Variants in EXOC4 observed in about 807,000 individuals in gnomAD.
EXOC4 encodes exocyst complex component 4, also known as SEC8-like 1.
In EXOC4, 71 loss-of-function variants were observed where a neutral mutation model predicts 107.2. The observed-to-expected ratio is 0.66, with a 90% CI of 0.55 to 0.81. The LOEUF is 0.81. Among genes scored for constraint, EXOC4 ranks in the 30% least tolerant of loss-of-function variants. The pLI, the probability that EXOC4 is intolerant of heterozygous loss-of-function variation, is 0.00. For missense variants in EXOC4, 1,108 were observed against 1,189.6 expected (o/e 0.93, Z 1.01); for synonymous variants, 456 against 441.2 (o/e 1.03, Z -0.42).
At chr7:133,655,078 CTTT>C (rs750971197) in intron 10 of EXOC4, among the ~76,000 whole-genome samples, 1 of 152,050 alleles carries the variant, frequency 6.6e-6, no homozygotes, top group Non-Finnish European at 1.5e-5. Flanking sequence ...AGTATTGTAA[CTTT>C]GTAAACACTG....
At chr7:133,317,036 A>G (rs766014819) in intron 4 of EXOC4, among the ~76,000 whole-genome samples, 2 of 152,204 alleles carry the variant, frequency 1.3e-5, no homozygotes, top group Non-Finnish European at 2.9e-5. Context: ...ACAGCATTGA[A>G]TGAAATGACA....
chr7:133,378,465 TAAAAG>T (rs1796541042), intron 7 of EXOC4, among the ~76,000 whole-genome samples: 1 of 152,014 alleles, frequency 6.6e-6, no homozygotes, highest in Admixed American at 6.6e-5. Context: ...TTATTTTTAT[TAAAAG>T]AATTTTTAAA....
At chr7:133,448,474 AATTT>A (rs1378087063) in intron 7 of EXOC4, among the ~76,000 whole-genome samples, 4 of 151,882 alleles carry the variant, frequency 2.6e-5, no homozygotes, top group Admixed American at 2.6e-4. Flanking sequence ...ATTTTTAATT[AATTT>A]ATTTATTTTT....
intron 10 of EXOC4, among the ~76,000 whole-genome samples, chr7:133,742,073 C>A (rs919558906): frequency 3.9e-5 from 6 of 152,204 alleles, no homozygotes; most frequent in African/African-American, 9.6e-5. Context: ...TAAACTACTT[C>A]TGCGGCTGCT....
At chr7:134,057,638 G>A (rs1218294953) in intron 17 of EXOC4, among the ~76,000 whole-genome samples, 4 of 151,914 alleles carry the variant, frequency 2.6e-5, no homozygotes, top group Middle Eastern at 3.2e-3. Flanking sequence ...ATTATTGGTC[G>A]GAAAGTCCAT....
intron 9 of EXOC4, among the ~76,000 whole-genome samples, chr7:133,604,710 C>CTTT (rs61548710): frequency 0.014 from 706 of 50,298 alleles, 12 homozygotes; most frequent in Non-Finnish European, 0.016. Context: ...TTCCTTCTTT[C>CTTT]TTTTTTTTTT....
chr7:133,472,676 T>A (rs1292090280), intron 7 of EXOC4, among the ~76,000 whole-genome samples: 1 of 152,038 alleles, frequency 6.6e-6, no homozygotes, highest in Non-Finnish European at 1.5e-5. Flanking sequence ...CTTTTTAAAG[T>A]TTGGGACTCA....
chr7:133,476,448 A>G (rs764077383), intron 8 of EXOC4, among the ~76,000 whole-genome samples: 1 of 152,202 alleles, frequency 6.6e-6, no homozygotes, highest in Non-Finnish European at 1.5e-5. Context: ...ATGTAAAGTG[A>G]CCACCACTGA....
At chr7:133,944,861 T>G (rs1042671844) in intron 14 of EXOC4, among the ~76,000 whole-genome samples, 33 of 152,160 alleles carry the variant, frequency 2.2e-4, no homozygotes, top group African/African-American at 7.7e-4. Context: ...TAAACATCCC[T>G]TAATAAATGT....
At chr7:133,430,621 T>C (rs1368846823) in intron 7 of EXOC4, among the ~76,000 whole-genome samples, 2 of 152,248 alleles carry the variant, frequency 1.3e-5, no homozygotes, top group Non-Finnish European at 1.5e-5. Context: ...ACAATTTTAC[T>C]ATACCTAGGA....
chr7:133,271,698 T>C lies in EXOC4; in HGVS notation c.87-3284T>C, dbSNP rs200423534. On this transcript the variant is annotated intron_variant, in intron 1 of 17. Transcript: ENST00000253861. ...CCCATCTGCCTAACCCTTGTGGGAC[T>C]TGGGGGCAAGGGGAACTGATGTGAA... Among the ~76,000 whole-genome samples, 13 of 152,252 alleles carry C rather than the reference T, an allele frequency of 8.5e-5. No homozygotes were observed. The East Asian group carries it at 2.5e-3, about 29-fold the overall frequency.
intron 17 of EXOC4, among the ~76,000 whole-genome samples, chr7:134,042,734 A>G (rs1795548951): frequency 6.6e-6 from 1 of 152,188 alleles, no homozygotes; most frequent in African/African-American, 2.4e-5. Context: ...GAAAATGGAA[A>G]TAATATCAGT....
chr7:133,621,883 A>C (rs929892131), intron 9 of EXOC4, among the ~76,000 whole-genome samples: 4 of 152,170 alleles, frequency 2.6e-5, no homozygotes, highest in Admixed American at 6.5e-5. Context: ...GTCTTGGATG[A>C]TTAGAAATGT....
At chr7:134,012,802 T>C (rs1794802896) in intron 17 of EXOC4, among the ~76,000 whole-genome samples, 1 of 152,160 alleles carries the variant, frequency 6.6e-6, no homozygotes, top group African/African-American at 2.4e-5. Context: ...GCTGGAGTGC[T>C]AGCGAAGAAC....
chr7:133,687,210 A>G (rs944257418), intron 10 of EXOC4, among the ~76,000 whole-genome samples: 1 of 152,100 alleles, frequency 6.6e-6, no homozygotes, highest in Non-Finnish European at 1.5e-5. Context: ...AGCTATGAGG[A>G]TGCAGAGGCA....
chr7:133,884,589 G>C (rs1799038410), intron 11 of EXOC4, among the ~76,000 whole-genome samples: 1 of 118,038 alleles, frequency 8.5e-6, no homozygotes, highest in Admixed American at 7.7e-5. Flanking sequence ...CTCTGTGTGT[G>C]TGTGTGTGTG....
intron 17 of EXOC4, among the ~76,000 whole-genome samples, chr7:134,019,322 AACT>A (rs139764854): frequency 0.022 from 3,285 of 152,214 alleles, 63 homozygotes; most frequent in East Asian, 0.088. Flanking sequence ...TTTAACTTTA[AACT>A]ACTTTCTCTA....
intron 10 of EXOC4, among the ~76,000 whole-genome samples, chr7:133,697,423 ATT>A (rs1794560389): frequency 6.6e-6 from 1 of 152,134 alleles, no homozygotes; most frequent in South Asian, 2.1e-4. Flanking sequence ...TCCATTGAGC[ATT>A]GAAGGTTTTT....
rs1207063896 is a variant in EXOC4 at position 133,857,145 on chromosome 7, CACGTATAT to C, written c.1735-38452_1735-38445del. Among the ~76,000 whole-genome samples the C allele has an allele frequency of 2.3e-4, 8 of 35,016 alleles. 1 individual carries two copies. The highest frequency in any genetic ancestry group is 7.5e-4 in the East Asian group (1 of 1,338). 23.0% of individuals were successfully genotyped at this position (35,016 alleles called of 152,430 possible). A position where few individuals can be genotyped will look rare whatever the true frequency, so the allele number is the denominator to read the frequency against. Reference sequence around the variant, plus strand: ...ATATATGTATATATATATACACATACACGTATATATATATATATATATATATATATATA... The same window carrying C: ...ATATATGTATATATATATACACATACATATATATATATATATATATATATA... On this transcript the variant is annotated intron_variant, in intron 11 of 17. Transcript: ENST00000253861.
Sources: gnomAD v4.1 joint callset for allele counts (sites outside exome capture counted in the v4.1 genomes callset) on GRCh38, gnomAD v4.1.1 for gene constraint, MANE v1.5 for transcripts, NCBI Gene and HGNC (gene_info 2026-07-23, HGNC 2026-07-21) for gene names.